Variants in SMG6 observed in about 807,000 individuals in gnomAD.
The protein encoded by SMG6 is SMG6 nonsense mediated mRNA decay factor.
SMG6 carries 66 observed loss-of-function variants against 142.2 expected under a neutral mutation model. That is an observed-to-expected ratio of 0.46 (90% confidence interval 0.38 to 0.57). The LOEUF is 0.57. SMG6 is among the 20% of genes least tolerant of loss of function. The pLI is 0.00. For missense variants in SMG6, 1,793 were observed against 1,832.0 expected (o/e 0.98, Z 0.39); for synonymous variants, 779 against 702.4 (o/e 1.11, Z -1.72).
chr17:2,133,186 A>G (rs2070181711), intron 13 of SMG6, among the ~76,000 whole-genome samples: 1 of 152,144 alleles, frequency 6.6e-6, no homozygotes, highest in African/African-American at 2.4e-5. Flanking sequence ...CAGAGGCTGC[A>G]GTGAGCGAGA....
At chr17:2,095,205 C>G (rs147265364) in intron 13 of SMG6, 1 of 152,230 alleles carries the variant, frequency 6.6e-6, no homozygotes, top group Non-Finnish European at 1.5e-5. Flanking sequence ...AAAGTCCTCC[C>G]GTCTGTCTCA....
chr17:2,112,240 C>T (rs1208990650), intron 13 of SMG6, among the ~76,000 whole-genome samples: 1 of 151,742 alleles, frequency 6.6e-6, no homozygotes, highest in Non-Finnish European at 1.5e-5. Flanking sequence ...CGCGGTGGCT[C>T]ACGCCTGTAA....
At chr17:2,213,456 T>C (rs183931891) in intron 10 of SMG6, among the ~76,000 whole-genome samples, 4 of 152,196 alleles carry the variant, frequency 2.6e-5, no homozygotes, top group Non-Finnish European at 5.9e-5. Context: ...AACAACAGAA[T>C]GCAGGGCGGG....
rs1461749239 is a variant in SMG6 at position 2,188,383 on chromosome 17, G to A, written c.2986+16C>T. 1.2e-6 allele frequency: 2 copies of A among 1,610,318 alleles called. No individual in the cohort carries two copies. The highest frequency in any genetic ancestry group is 3.3e-5 in the Admixed American group (2 of 59,926). ...CAACTGGAAAGCCCACCAGGCTGGG[G>A]ACTCCTCCTGCTTACCTTTGGCGGA... On this transcript the variant is annotated intron_variant, in intron 11 of 18. Transcript: ENST00000263073.
intron 1 of SMG6, chr17:2,303,312 C>G: frequency 8.8e-7 from 1 of 1,135,806 alleles, no homozygotes; most frequent in Non-Finnish European, 1.1e-6. Flanking sequence ...CACTCCTTTC[C>G]GCGTCTCCCG....
In SMG6 at chr17:2,303,396, G is replaced by A. The variant is rs1216689010; in HGVS notation, c.88+237C>T. The stretch of plus-strand genomic sequence containing the variant: ...AGTCACCTTCGCGGCGAGAAAGAGG[G>A]TGGAGGCAGGAATTCGGGCCAGGCT... On this transcript the variant is annotated intron_variant, in intron 1 of 18. Transcript: ENST00000263073. 1.8e-5 allele frequency: 22 copies of A among 1,247,404 alleles called. No homozygotes were observed. In the East Asian group the frequency reaches 5.4e-4, roughly 31 times the overall value. The allele number at this position is 1,247,404 out of a possible 1,614,324, so 77.3% of individuals were successfully genotyped here. A position where few individuals can be genotyped will look rare whatever the true frequency, so the allele number is the denominator to read the frequency against.
At chr17:2,163,927 T>C (rs1314676533) in intron 13 of SMG6, among the ~76,000 whole-genome samples, 1 of 151,508 alleles carries the variant, frequency 6.6e-6, no homozygotes, top group Non-Finnish European at 1.5e-5. Context: ...GCCGGTGTGG[T>C]GGCAGGTGCT....
chr17:2,130,864 C>T (rs186742180), intron 13 of SMG6, among the ~76,000 whole-genome samples: 4 of 151,916 alleles, frequency 2.6e-5, no homozygotes, highest in South Asian at 2.1e-4. Flanking sequence ...ATTAGCTGGG[C>T]GTGGTGGCAG....
chr17:2,281,416 A>G (rs1271520761), intron 8 of SMG6, among the ~76,000 whole-genome samples: 4 of 152,198 alleles, frequency 2.6e-5, no homozygotes, highest in Admixed American at 2.6e-4. Context: ...GATGGGAGCC[A>G]CCACACCAGA....
intron 13 of SMG6, among the ~76,000 whole-genome samples, chr17:2,168,747 T>G (rs2071415888): frequency 6.6e-6 from 1 of 151,740 alleles, no homozygotes; most frequent in African/African-American, 2.4e-5. Context: ...TTTTGTTTTG[T>G]GTTGTTTTGT....
intron 10 of SMG6, chr17:2,236,130 T>G: frequency 6.1e-6 from 1 of 163,418 alleles, no homozygotes; most frequent in Non-Finnish European, 1.3e-5. Flanking sequence ...GCCAAGCGTA[T>G]GGTCTCTGCA....
intron 13 of SMG6, among the ~76,000 whole-genome samples, chr17:2,133,793 G>T (rs746241833): frequency 5.3e-5 from 8 of 152,186 alleles, no homozygotes; most frequent in Admixed American, 1.3e-4. Flanking sequence ...GATGTAAATA[G>T]AACTTTTACG....
At chr17:2,211,653 G>C (rs2072867000) in intron 10 of SMG6, among the ~76,000 whole-genome samples, 2 of 131,118 alleles carry the variant, frequency 1.5e-5, no homozygotes, top group South Asian at 4.8e-4. Flanking sequence ...GACAGAGCGA[G>C]ACTCCATCTA....
At chr17:2,280,664 G>A in intron 8 of SMG6, 1 of 824,420 alleles carries the variant, frequency 1.2e-6, no homozygotes, top group Non-Finnish European at 1.5e-6. Flanking sequence ...ACCCAAGGAT[G>A]ATGTACAAAC....
chr17:2,123,457 T>C (rs1407363194), intron 13 of SMG6, among the ~76,000 whole-genome samples: 7 of 152,230 alleles, frequency 4.6e-5, no homozygotes, highest in Non-Finnish European at 8.8e-5. Context: ...GAAACTCCTT[T>C]CATTGACAAT....
At chr17:2,193,218 GA>G (rs2072220484) in intron 10 of SMG6, among the ~76,000 whole-genome samples, 1 of 152,198 alleles carries the variant, frequency 6.6e-6, no homozygotes, top group African/African-American at 2.4e-5. Context: ...TCTGGTCCTT[GA>G]AAAGTAGGTG....
chr17:2,250,352 A>G (rs1462272905), intron 8 of SMG6, among the ~76,000 whole-genome samples: 2 of 151,958 alleles, frequency 1.3e-5, no homozygotes, highest in Non-Finnish European at 2.9e-5. Flanking sequence ...ATAAATTATT[A>G]TTCTCTTATC....
chr17:2,289,339 T>C (rs1356021176), intron 6 of SMG6, among the ~76,000 whole-genome samples: 1 of 152,070 alleles, frequency 6.6e-6, no homozygotes, highest in Non-Finnish European at 1.5e-5. Context: ...GAGGATCACT[T>C]GAGGCCAGGA....
intron 12 of SMG6, among the ~76,000 whole-genome samples, chr17:2,177,849 C>T (rs553436758): frequency 6.6e-5 from 10 of 152,286 alleles, no homozygotes; most frequent in South Asian, 4.1e-4. Flanking sequence ...AGACAAATGG[C>T]TGTAACAAGA....
Sources: allele counts gnomAD v4.1 joint callset (sites outside exome capture counted in the v4.1 genomes callset), GRCh38; gene constraint gnomAD v4.1.1; transcripts MANE v1.5; gene names NCBI Gene and HGNC (gene_info 2026-07-23, HGNC 2026-07-21).